GMPPB: variants seen among roughly 807,000 people sequenced by gnomAD.
GMPPB encodes mannose-1-phosphate guanylyltransferase catalytic subunit beta.
A neutral mutation model predicts 40.3 loss-of-function variants in GMPPB; 38 were observed. The ratio of observed to expected loss-of-function variants is 0.94; its 90% confidence interval spans 0.73 to 1.24. The LOEUF is 1.24. Ranked by LOEUF, GMPPB falls within the 50% of genes most tolerant of loss-of-function variation. The pLI is 0.00. For synonymous variants in GMPPB, 193 were observed against 191.8 expected, an observed-to-expected ratio of 1.01 and a Z score of -0.05; for missense variants, 436 against 487.1, an observed-to-expected ratio of 0.90 and a Z score of 0.99.
Position 49,721,687 on chromosome 3 carries a change from G to T in GMPPB, c.*65C>A. ...AATGACAAGTCCAGGGTCTTCTGAT[G>T]TGTCAGGCCAGCACTCCCCTTGCTG... is the stretch of plus-strand genomic sequence containing the variant. On this transcript the variant is annotated 3_prime_UTR_variant, in exon 9 of 9. Transcript: ENST00000308388. 7.0e-7 allele frequency: 1 copy of T among 1,435,710 alleles called. No individual in the cohort carries two copies. The highest frequency in any genetic ancestry group is 9.5e-7 in the Non-Finnish European group (1 of 1,049,126). The allele number at this position is 1,435,710 out of a possible 1,614,324, so 88.9% of individuals were successfully genotyped here.
At position 49,723,598 on chromosome 3, in the gene GMPPB, C is replaced by T. The variant is rs2108213396; in HGVS notation, c.129G>A (p.Ala43=). 6.3e-7 allele frequency: 1 copy of T among 1,591,376 alleles called. No individual in the cohort carries two copies. Among genetic ancestry groups the T allele is most frequent in the African/African-American group, 1.3e-5 (1 of 74,556 alleles). Residue 43 remains alanine, a splice_region_variant and synonymous_variant, in exon 1 of 9, where the codon GCG becomes GCA. Coordinates refer to ENST00000308388, the MANE Select transcript of GMPPB (RefSeq NM_021971.4). ...CTCTGATCCCGACCCAGGGTCTTAC[C>T]GCGGCTAGCGCCTCCACTTGGTGCA... ...ILLHQVEALA[A]AGVDHVILAV...
chr3:49,721,588 C>T lies in GMPPB; in HGVS notation c.*164G>A, dbSNP rs1575293403. On this transcript the variant is annotated 3_prime_UTR_variant, in exon 9 of 9. Coordinates refer to ENST00000308388, the MANE Select transcript of GMPPB (RefSeq NM_021971.4). ...TTTGTGGGGTGTGCCCAGCAGGGAT[C>T]CTGCCAGATGATGTCCACATGAGAA... The T allele has an allele frequency of 1.2e-6, 1 of 826,520 alleles. No individual in the cohort carries two copies. Among genetic ancestry groups the T allele is most frequent in the Non-Finnish European group, 2.0e-6 (1 of 499,872 alleles). The allele number at this position is 826,520 out of a possible 1,614,324, so 51.2% of individuals were successfully genotyped here.
Position 49,722,333 on chromosome 3 carries a change from G to A in GMPPB, c.666C>T (p.Pro222=). The A allele has an allele frequency of 6.2e-7, 1 of 1,613,980 alleles. No homozygotes were observed. Among genetic ancestry groups the A allele is most frequent in the Non-Finnish European group, 8.5e-7 (1 of 1,179,998 alleles). The part of the protein sequence containing the change: ...LQGFWMDIGQ[P]KDFLTGMCLF... ...GGCACATGCCAGTGAGGAAGTCCTT[G>A]GGCTGCCCAATGTCCATCCAGAAGC... Residue 222 remains proline, a synonymous_variant, in exon 7 of 9, where the codon CCC becomes CCT. Transcript: ENST00000308388.
At position 49,720,251 on chromosome 3, in the gene GMPPB, G is replaced by A; in HGVS notation, c.*1501C>T. On this transcript the variant is annotated 3_prime_UTR_variant, in exon 9 of 9. Transcript: ENST00000308388. Reference sequence around the variant, plus strand: ...GAATCACTTGAACCCGGGAGGTGGAGGTTGCAGTGAGCCGAGATCGTGCCA... The same window carrying A: ...GAATCACTTGAACCCGGGAGGTGGAAGTTGCAGTGAGCCGAGATCGTGCCA... 1 of 287,920 alleles carries A rather than the reference G, an allele frequency of 3.5e-6. No individual in the cohort carries two copies. Among genetic ancestry groups the A allele is most frequent in the Non-Finnish European group, 6.4e-6 (1 of 155,884 alleles). The allele number at this position is 287,920 out of a possible 1,614,324, so 17.8% of individuals were successfully genotyped here.
chr3:49,722,843 C>A lies in GMPPB; in HGVS notation c.403-89G>T, dbSNP rs909925195. ...TTCCAGATCTCAAGAGACTCTGCCCCAAGTGCTTAAAGATACATACTGCAC... is the reference window on the plus strand; with the variant it reads ...TTCCAGATCTCAAGAGACTCTGCCCAAAGTGCTTAAAGATACATACTGCAC... On this transcript the variant is annotated intron_variant, in intron 4 of 8. Transcript: ENST00000308388. 7 of 1,521,506 alleles carry A rather than the reference C, an allele frequency of 4.6e-6. No homozygotes were observed. The Admixed American group carries it at 1.1e-4, about 25-fold the overall frequency. 94.3% of individuals were successfully genotyped at this position (1,521,506 alleles called of 1,614,324 possible). A position where few individuals can be genotyped will look rare whatever the true frequency, so the allele number is the denominator to read the frequency against.
In GMPPB at chr3:49,721,485, C is replaced by G. The variant is rs781514065; in HGVS notation, c.*267G>C. On this transcript the variant is annotated 3_prime_UTR_variant, in exon 9 of 9. Transcript: ENST00000308388. ...TGGCCCTAATTGTGCCTGAGCTTGACTTTCAGTCAGGGCCACAGTGAGCAT... is the reference window on the plus strand; with the variant it reads ...TGGCCCTAATTGTGCCTGAGCTTGAGTTTCAGTCAGGGCCACAGTGAGCAT... 1 of 928,018 alleles carries G rather than the reference C, an allele frequency of 1.1e-6. No individual in the cohort carries two copies. The highest frequency in any genetic ancestry group is 1.8e-6 in the Non-Finnish European group (1 of 567,258). 57.5% of individuals were successfully genotyped at this position (928,018 alleles called of 1,614,324 possible). A position where few individuals can be genotyped will look rare whatever the true frequency, so the allele number is the denominator to read the frequency against.
chr3:49,722,679 C>A lies in GMPPB; in HGVS notation c.478G>T (p.Val160Leu), dbSNP rs752805529. 14 of 1,613,940 alleles carry A rather than the reference C, an allele frequency of 8.7e-6. No homozygotes were observed. The highest frequency in any genetic ancestry group is 1.2e-5 in the Non-Finnish European group (14 of 1,180,024). Residue 160 changes from valine (V) to leucine (L), a missense_variant, in exon 5 of 9, where the codon GTG (valine) becomes TTG (leucine). Val to Leu is a conservative substitution (Grantham distance 32, BLOSUM62 1). Transcript: ENST00000308388. ...GACACAAACACCTGTGGCTTCTCCA[C>A]GAACCGGTGAATGCGGCCTGTGTCA... is the stretch of plus-strand genomic sequence containing the variant. ...EADTGRIHRF[V>L]EKPQVFVSNK...
chr3:49,721,006 TCTC>T lies in GMPPB; in HGVS notation c.*743_*745del. 1 of 1,609,560 alleles carries T rather than the reference TCTC, an allele frequency of 6.2e-7. No individual in the cohort carries two copies. Among genetic ancestry groups the T allele is most frequent in the Non-Finnish European group, 8.5e-7 (1 of 1,176,760 alleles). On this transcript the variant is annotated 3_prime_UTR_variant, in exon 9 of 9. Coordinates refer to ENST00000308388, the MANE Select transcript of GMPPB (RefSeq NM_021971.4). ...CATCCAACTCCAGCCCACCCTTCAC[TCTC>T]CTCCCTGCAGCCCACCAGTGAGGAG...
Position 49,721,662 on chromosome 3 carries a change from A to T in GMPPB, c.*90T>A, listed in dbSNP as rs2080410777. Reference sequence around the variant, plus strand: ...TTCACCCAGTGCCCCCCAGACAAATAATGACAAGTCCAGGGTCTTCTGATG... The same window carrying T: ...TTCACCCAGTGCCCCCCAGACAAATTATGACAAGTCCAGGGTCTTCTGATG... On this transcript the variant is annotated 3_prime_UTR_variant, in exon 9 of 9. Coordinates refer to ENST00000308388, the MANE Select transcript of GMPPB (RefSeq NM_021971.4). 1 of 1,264,264 alleles carries T rather than the reference A, an allele frequency of 7.9e-7. No individual in the cohort carries two copies. Among genetic ancestry groups the T allele is most frequent in the African/African-American group, 1.5e-5 (1 of 68,100 alleles). The allele number at this position is 1,264,264 out of a possible 1,614,324, so 78.3% of individuals were successfully genotyped here. A position where few individuals can be genotyped will look rare whatever the true frequency, so the allele number is the denominator to read the frequency against.
rs765538315 is a variant in GMPPB, at chr3:49,720,795, C to A, written c.*957G>T. On this transcript the variant is annotated 3_prime_UTR_variant, in exon 9 of 9. Coordinates refer to ENST00000308388, the MANE Select transcript of GMPPB (RefSeq NM_021971.4). ...TCTGACTTGACACTACCTACCACTCCCCAGATGCGGATTATATCAGTGCCG... is the reference window on the plus strand; with the variant it reads ...TCTGACTTGACACTACCTACCACTCACCAGATGCGGATTATATCAGTGCCG... The A allele has an allele frequency of 3.7e-6, 6 of 1,614,040 alleles. No homozygotes were observed. The African/African-American group carries it at 8.0e-5, about 22-fold the overall frequency.
rs200597948 is a variant in GMPPB, at chr3:49,720,543, A to C, written c.*1209T>G. 6.2e-7 allele frequency: 1 copy of C among 1,608,092 alleles called. No homozygotes were observed. The highest frequency in any genetic ancestry group is 8.5e-7 in the Non-Finnish European group (1 of 1,176,346). On this transcript the variant is annotated 3_prime_UTR_variant, in exon 9 of 9. Coordinates refer to ENST00000308388, the MANE Select transcript of GMPPB (RefSeq NM_021971.4). The stretch of plus-strand genomic sequence containing the variant: ...CAAGCCACATCAGTGCTCCTGGCAG[A>C]TCCCTGCTTCCAGCTACGCTCAATA...
Position 49,723,240 on chromosome 3 carries a change from C to T in GMPPB, c.259+14G>A, listed in dbSNP as rs1440987614. 1 of 1,614,054 alleles carries T rather than the reference C, an allele frequency of 6.2e-7. No homozygotes were observed. Among genetic ancestry groups the T allele is most frequent in the African/African-American group, 1.3e-5 (1 of 75,054 alleles). ...TTAAACCCTCCCCCAAGGGACCTTT[C>T]TGCCTCTACTGACCTGTCCCCAAAG... On this transcript the variant is annotated intron_variant, in intron 3 of 8. Transcript: ENST00000308388.
intron 3 of GMPPB, 65 bp downstream of exon 3, chr3:49,723,189 G>A (rs1455205057): frequency 6.2e-7 from 1 of 1,611,154 alleles, no homozygotes; most frequent in East Asian, 2.2e-5. Flanking sequence ...GCCCACTCCA[G>A]GCTGGGTCTT....
rs569168544 is a variant in GMPPB, at chr3:49,723,866, C to G, written c.-140G>C. 1.0e-6 allele frequency: 1 copy of G among 999,010 alleles called. No individual in the cohort carries two copies. 61.9% of individuals were successfully genotyped at this position (999,010 alleles called of 1,614,324 possible). A position where few individuals can be genotyped will look rare whatever the true frequency, so the allele number is the denominator to read the frequency against. ...CGCCTGACAGACTCTGGCTCCACCTCGTCCGCCCGGTCGCCCTGACGCCGG... is the reference window on the plus strand; with the variant it reads ...CGCCTGACAGACTCTGGCTCCACCTGGTCCGCCCGGTCGCCCTGACGCCGG... On this transcript the variant is annotated 5_prime_UTR_variant, in exon 1 of 9. Transcript: ENST00000308388.
Position 49,721,735 on chromosome 3 carries a change from A to G in GMPPB, c.*17T>C. On this transcript the variant is annotated 3_prime_UTR_variant, in exon 9 of 9. Coordinates refer to ENST00000308388, the MANE Select transcript of GMPPB (RefSeq NM_021971.4). The stretch of plus-strand genomic sequence containing the variant: ...CTGATGGGAAAACCGGGGCTCGGCC[A>G]GCCCCACTGCATCCCCTCACATGAT... The G allele has an allele frequency of 6.3e-7, 1 of 1,583,184 alleles. No homozygotes were observed. The highest frequency in any genetic ancestry group is 8.6e-7 in the Non-Finnish European group (1 of 1,168,650).
At position 49,723,584 on chromosome 3, in the gene GMPPB, A is replaced by AC; in HGVS notation, c.129+13dup. 1.3e-6 allele frequency: 2 copies of AC among 1,599,960 alleles called. No individual in the cohort carries two copies. The highest frequency in any genetic ancestry group is 1.7e-6 in the Non-Finnish European group (2 of 1,172,018). On this transcript the variant is annotated intron_variant, in intron 1 of 8. Coordinates refer to ENST00000308388, the MANE Select transcript of GMPPB (RefSeq NM_021971.4). ...AGATCCGAACGCGACTCTGATCCCG[A>AC]CCCAGGGTCTTACCGCGGCTAGCGC...
Position 49,720,943 on chromosome 3 carries a change from A to G in GMPPB, c.*809T>C. The G allele has an allele frequency of 1.9e-6, 3 of 1,606,886 alleles. No homozygotes were observed. Among genetic ancestry groups the G allele is most frequent in the Non-Finnish European group, 2.6e-6 (3 of 1,173,792 alleles). On this transcript the variant is annotated 3_prime_UTR_variant, in exon 9 of 9. Transcript: ENST00000308388. ...GTCCATGCCACTTGAATATGTGTGCACTCCTACACAGGCACAACGGACATC... is the reference window on the plus strand; with the variant it reads ...GTCCATGCCACTTGAATATGTGTGCGCTCCTACACAGGCACAACGGACATC...
In GMPPB at chr3:49,721,326, C is replaced by G. The variant is rs2080402191; in HGVS notation, c.*426G>C. On this transcript the variant is annotated 3_prime_UTR_variant, in exon 9 of 9. Coordinates refer to ENST00000308388, the MANE Select transcript of GMPPB (RefSeq NM_021971.4). ...CCTAGCCCTCACAGCCTGTGCCATC[C>G]TGGAACCTCCACCTTTGAACCCAGA... The G allele has an allele frequency of 6.2e-7, 1 of 1,614,012 alleles. No homozygotes were observed. Among genetic ancestry groups the G allele is most frequent in the Admixed American group, 1.7e-5 (1 of 60,002 alleles).
At position 49,721,805 on chromosome 3, in the gene GMPPB, G is replaced by A. The variant is rs139041816; in HGVS notation, c.1030C>T (p.Leu344=). 2.5e-6 allele frequency: 4 copies of A among 1,612,350 alleles called. No individual in the cohort carries two copies. The highest frequency in any genetic ancestry group is 8.5e-7 in the Non-Finnish European group (1 of 1,179,896). Reference sequence around the variant, plus strand: ...GACTCGCCAATAGACTTGTGGGGCAGCACGCTGGCTCCGTTGAGGTAGAGC... The same window carrying A: ...GACTCGCCAATAGACTTGTGGGGCAACACGCTGGCTCCGTTGAGGTAGAGC... ...DELYLNGASV[L]PHKSIGESVP... The change falls in exon 9 of 9, where the codon CTG becomes TTG. Residue 344 remains leucine, a synonymous_variant. Coordinates refer to ENST00000308388, the MANE Select transcript of GMPPB (RefSeq NM_021971.4).
Sources: allele counts gnomAD v4.1 joint callset, GRCh38; gene constraint gnomAD v4.1.1; transcripts MANE v1.5; gene names NCBI Gene and HGNC (gene_info 2026-07-23, HGNC 2026-07-21).